Variants in PARD3 observed in about 807,000 individuals in gnomAD.
PARD3 encodes the protein par-3 family cell polarity regulator.
Under a neutral mutation model 155.4 loss-of-function variants are expected in PARD3, and 75 were observed. That is an observed-to-expected ratio of 0.48 (90% confidence interval 0.40 to 0.58). The LOEUF is 0.58. Ranked by LOEUF, PARD3 falls within the 20% of genes least tolerant of loss-of-function variation. The pLI is 0.00. For missense variants in PARD3, 1,642 were observed against 1,721.7 expected (o/e 0.95, Z 0.82); for synonymous variants, 576 against 610.5 (o/e 0.94, Z 0.83).
At chr10:34,341,960 C>CA in intron 15 of PARD3, 144 bp from the exon 16 acceptor site, 2 of 542,968 alleles carry the variant, frequency 3.7e-6, no homozygotes, top group Non-Finnish European at 6.4e-6. Flanking sequence ...GAATTTAGCA[C>CA]ATTTATTTTT....
rs143642079 is a variant in PARD3, at chr10:34,536,269, T to G, written c.223-19110A>C. 3.8e-3 allele frequency among the ~76,000 whole-genome samples: 585 copies of G among 152,330 alleles called. 7 individuals are homozygous for G. The East Asian group carries it at 0.048, about 13-fold the overall frequency. ...CCTCAAATATGCATATAAAAAGTAC[T>G]TAAATCATTTAATGTTGTTATATCT... On this transcript the variant is annotated intron_variant, in intron 2 of 24. Transcript: ENST00000374788.
intron 1 of PARD3, among the ~76,000 whole-genome samples, chr10:34,779,455 A>AAAAAAAATT (rs1839997495): frequency 1.3e-5 from 2 of 151,938 alleles, no homozygotes; most frequent in African/African-American, 4.8e-5. Flanking sequence ...CTAAAAATAA[A>AAAAAAAATT]AAAAAAATTA....
rs115501432 is a variant in PARD3 at position 34,616,386 on chromosome 10, C to T, written c.222+79932G>A. Reference sequence around the variant, plus strand: ...CAGCAACCCCACTGCTGCATATACACCCAATGGAAAAGAAATCAGCACATC... The same window carrying T: ...CAGCAACCCCACTGCTGCATATACATCCAATGGAAAAGAAATCAGCACATC... On this transcript the variant is annotated intron_variant, in intron 2 of 24. Transcript: ENST00000374788. Among the ~76,000 whole-genome samples the T allele has an allele frequency of 7.3e-3, 1,106 of 152,076 alleles. 13 individuals are homozygous for T. The highest frequency in any genetic ancestry group is 0.026 in the African/African-American group (1,065 of 41,490).
chr10:34,793,459 C>A (rs1268014971), intron 1 of PARD3, among the ~76,000 whole-genome samples: 2 of 152,154 alleles, frequency 1.3e-5, no homozygotes, highest in South Asian at 4.1e-4. Context: ...GTTCTCTGTA[C>A]TAGTCAGGGA....
At chr10:34,688,815 T>G (rs770928074) in intron 2 of PARD3, among the ~76,000 whole-genome samples, 40 of 152,188 alleles carry the variant, frequency 2.6e-4, no homozygotes, top group Non-Finnish European at 4.6e-4. Context: ...TTTAATTTTC[T>G]TTTGCTATCA....
Position 34,329,389 on chromosome 10 carries a change from G to A in PARD3, c.2833+1728C>T, listed in dbSNP as rs577129130. 7.9e-5 allele frequency among the ~76,000 whole-genome samples: 12 copies of A among 152,128 alleles called. No homozygotes were observed. In the South Asian group the frequency reaches 2.5e-3, roughly 32 times the overall value. On this transcript the variant is annotated intron_variant, in intron 19 of 24. Coordinates refer to ENST00000374788, the MANE Select transcript of PARD3 (RefSeq NM_001184785.2). Reference sequence around the variant, plus strand: ...AAGGGGCCAAAGCATAGTAATTTTTGATTAAATATACACCCAAGACAGAGA... The same window carrying A: ...AAGGGGCCAAAGCATAGTAATTTTTAATTAAATATACACCCAAGACAGAGA...
At chr10:34,168,628 C>G (rs149757051) in intron 22 of PARD3, among the ~76,000 whole-genome samples, 14 of 152,212 alleles carry the variant, frequency 9.2e-5, no homozygotes, top group African/African-American at 3.1e-4. Flanking sequence ...AGGCCCTCCC[C>G]GCGAAGGATT....
intron 22 of PARD3, among the ~76,000 whole-genome samples, chr10:34,198,008 T>A (rs1398020979): frequency 1.3e-5 from 2 of 152,224 alleles, no homozygotes; most frequent in African/African-American, 2.4e-5. Flanking sequence ...AATGCAGGCA[T>A]GAGCCACCGC....
chr10:34,507,097 T>C (rs1770674570), intron 3 of PARD3, among the ~76,000 whole-genome samples: 1 of 152,190 alleles, frequency 6.6e-6, no homozygotes, highest in Non-Finnish European at 1.5e-5. Context: ...GTGTCCCTGA[T>C]CTGCAACCCT....
chr10:34,639,139 T>G (rs981192531), intron 2 of PARD3, among the ~76,000 whole-genome samples: 2 of 152,194 alleles, frequency 1.3e-5, no homozygotes, highest in African/African-American at 2.4e-5. Context: ...CTCACACCTG[T>G]AATCCCAGCA....
At position 34,125,071 on chromosome 10, in the gene PARD3, C is replaced by CTTTT. The variant is rs71523316; in HGVS notation, c.3541-5335_3541-5332dup. On this transcript the variant is annotated intron_variant, in intron 23 of 24. Coordinates refer to ENST00000374788, the MANE Select transcript of PARD3 (RefSeq NM_001184785.2). ...GGCTTATCTCCAGGTCTATTTCTTT[C>CTTTT]TTTTTTTTTTTTTGAGACGGAGTCT... Among the ~76,000 whole-genome samples, 113 of 140,648 alleles carry CTTTT rather than the reference C, an allele frequency of 8.0e-4. 2 individuals carry two copies. The highest frequency in any genetic ancestry group is 3.1e-3 in the African/African-American group (112 of 35,918). 92.3% of individuals were successfully genotyped at this position (140,648 alleles called of 152,430 possible).
intron 2 of PARD3, among the ~76,000 whole-genome samples, chr10:34,689,077 C>A (rs1267261152): frequency 1.3e-5 from 2 of 152,112 alleles, no homozygotes; most frequent in East Asian, 3.8e-4. Flanking sequence ...CAACATGCAT[C>A]CAGGGGATAT....
chr10:34,402,355 A>G (rs1373795009), intron 5 of PARD3, among the ~76,000 whole-genome samples: 1 of 152,158 alleles, frequency 6.6e-6, no homozygotes, highest in Non-Finnish European at 1.5e-5. Context: ...TACAACGATT[A>G]TAAACCATAA....
intron 2 of PARD3, among the ~76,000 whole-genome samples, chr10:34,666,777 T>TCAAAAAAAG (rs1554804561): frequency 5.9e-5 from 1 of 17,034 alleles, no homozygotes; most frequent in Non-Finnish European, 1.3e-4. Flanking sequence ...CCCCTCCCCC[T>TCAAAAAAAG]AAAAAAAAAA....
intron 2 of PARD3, among the ~76,000 whole-genome samples, chr10:34,607,106 G>A (rs2090526544): frequency 6.6e-6 from 1 of 152,020 alleles, no homozygotes; most frequent in Non-Finnish European, 1.5e-5. Flanking sequence ...ATCTTTGGGG[G>A]CCCATCTAAG....
At position 34,476,721 on chromosome 10, in the gene PARD3, T is replaced by C. The variant is rs748239667; in HGVS notation, c.404-6458A>G. ...ACCTCATCCTGAGAGAATAATAATTTATGAAAAATGTACTAGAAAAAAACA... is the reference window on the plus strand; with the variant it reads ...ACCTCATCCTGAGAGAATAATAATTCATGAAAAATGTACTAGAAAAAAACA... On this transcript the variant is annotated intron_variant, in intron 3 of 24. Coordinates refer to ENST00000374788, the MANE Select transcript of PARD3 (RefSeq NM_001184785.2). 3.2e-4 allele frequency among the ~76,000 whole-genome samples: 49 copies of C among 151,660 alleles called. 1 individual carries two copies. Among genetic ancestry groups the C allele is most frequent in the Non-Finnish European group, 3.1e-4 (21 of 68,028 alleles).
chr10:34,179,188 A>G (rs1446596875), intron 22 of PARD3, among the ~76,000 whole-genome samples: 1 of 152,128 alleles, frequency 6.6e-6, no homozygotes, highest in Non-Finnish European at 1.5e-5. Context: ...ACACACACAC[A>G]CACACACACA....
chr10:34,694,454 C>A (rs1354173207), intron 2 of PARD3, among the ~76,000 whole-genome samples: 2 of 145,610 alleles, frequency 1.4e-5, no homozygotes, highest in African/African-American at 5.1e-5. Flanking sequence ...GAACATAAGT[C>A]GGCAGAAAAC....
At chr10:34,408,837 GATATAATA>G (rs1288328655) in intron 5 of PARD3, among the ~76,000 whole-genome samples, 6 of 150,060 alleles carry the variant, frequency 4.0e-5, no homozygotes, top group African/African-American at 7.3e-5. Flanking sequence ...TATTAGATAA[GATATAATA>G]ATATAATAAT....
Sources: gnomAD v4.1 joint callset for allele counts (sites outside exome capture counted in the v4.1 genomes callset) on GRCh38, gnomAD v4.1.1 for gene constraint, MANE v1.5 for transcripts, NCBI Gene and HGNC (gene_info 2026-07-23, HGNC 2026-07-21) for gene names.